Variants in PILRB observed in about 807,000 individuals in gnomAD.
PILRB encodes the protein paired immunoglobin like type 2 receptor beta.
In PILRB, 21 loss-of-function variants were observed where a neutral mutation model predicts 20.5. The ratio of observed to expected loss-of-function variants is 1.02; its 90% CI spans 0.72 to 1.47. The LOEUF (loss-of-function observed/expected upper bound fraction) is 1.47. Ranked by LOEUF, PILRB falls within the 40% of genes most tolerant of loss-of-function variation. The pLI is 0.00. For missense variants in PILRB, 253 were observed against 272.1 expected (o/e 0.93, Z 0.49); for synonymous variants, 133 against 115.1 (o/e 1.16, Z -0.99).
intron 3 of PILRB, among the ~76,000 whole-genome samples, chr7:100,366,428 G>A (rs570119720): frequency 2.6e-5 from 4 of 152,154 alleles, no homozygotes; most frequent in Non-Finnish European, 4.4e-5. Context: ...CTCTGTGGAC[G>A]TGGAGCCCTC....
Position 100,359,064 on chromosome 7 carries a change from C to G in PILRB, c.439C>G (p.Leu147Val), listed in dbSNP as rs187084929. The G allele has an allele frequency of 3.0e-4, 487 of 1,614,138 alleles. 1 individual carries two copies. The East Asian group carries it at 9.9e-3, about 33-fold the overall frequency. The change falls in exon 2 of 4, where the codon CTC (leucine) becomes GTC (valine). Residue 147 changes from leucine (L) to valine (V), a missense_variant. Coordinates refer to ENST00000609309, the MANE Select transcript of PILRB (RefSeq NM_178238.4). ...QQLQSIKGTK[L>V]TITQAVTTTT... ...GTTGCAGTCCATCAAGGGGACCAAA[C>G]TCACCATCACCCAGGGTGAGTCCAG...
chr7:100,359,629 A>T, intron 3 of PILRB, 92 bp downstream of exon 3: 2 of 1,106,928 alleles, frequency 1.8e-6, no homozygotes, highest in South Asian at 1.3e-5. Context: ...AAATATGCAG[A>T]CCCTGCTGGC....
At position 100,358,890 on chromosome 7, in the gene PILRB, A is replaced by G. The variant is rs1790444600; in HGVS notation, c.265A>G (p.Ile89Val). 6.2e-7 allele frequency: 1 copy of G among 1,614,166 alleles called. No individual in the cohort carries two copies. The highest frequency in any genetic ancestry group is 2.2e-5 in the East Asian group (1 of 44,892). The change falls in exon 2 of 4, where the codon ATT becomes GTT. Residue 89 changes from isoleucine to valine, a missense_variant. By Grantham distance (29) the Ile-to-Val change is conservative. Coordinates refer to ENST00000609309, the MANE Select transcript of PILRB (RefSeq NM_178238.4). ...QSFYSTRPPS[I>V]HKDYVNRLFL... is the part of the protein sequence containing the mutation. ...CTTCTACAGCACAAGGCCGCCTTCC[A>G]TTCACAAGGATTATGTGAACCGGCT...
chr7:100,364,108 C>CAAAA, intron 3 of PILRB, among the ~76,000 whole-genome samples: 1 of 93,182 alleles, frequency 1.1e-5, no homozygotes, highest in South Asian at 3.3e-4. Context: ...AACTCCATCT[C>CAAAA]AAAAAAAAAA....
Position 100,367,669 on chromosome 7 carries a change from G to T in PILRB, c.*292G>T. The T allele has an allele frequency of 2.3e-6, 1 of 440,378 alleles. No homozygotes were observed. Among genetic ancestry groups the T allele is most frequent in the Non-Finnish European group, 4.1e-6 (1 of 244,688 alleles). 27.3% of individuals were successfully genotyped at this position (440,378 alleles called of 1,614,324 possible). A position where few individuals can be genotyped will look rare whatever the true frequency, so the allele number is the denominator to read the frequency against. Reference sequence around the variant, plus strand: ...TGGCATTTGGGGGCTGTTTATTATAGCAGTGCAAAGAGTTCCTTTATCCTC... The same window carrying T: ...TGGCATTTGGGGGCTGTTTATTATATCAGTGCAAAGAGTTCCTTTATCCTC... On this transcript the variant is annotated 3_prime_UTR_variant, in exon 4 of 4. Coordinates refer to ENST00000609309, the MANE Select transcript of PILRB (RefSeq NM_178238.4).
intron 3 of PILRB, among the ~76,000 whole-genome samples, chr7:100,360,276 G>C (rs973558332): frequency 2.0e-5 from 3 of 152,236 alleles, no homozygotes; most frequent in African/African-American, 7.2e-5. Flanking sequence ...CATAGGCTCT[G>C]CTCTCAGGGA....
intron 3 of PILRB, among the ~76,000 whole-genome samples, chr7:100,364,539 T>C (rs1456791197): frequency 6.6e-6 from 1 of 152,212 alleles, no homozygotes; most frequent in Non-Finnish European, 1.5e-5. Flanking sequence ...ACGTACCTGC[T>C]CTTACACAAG....
At chr7:100,361,841 G>A (rs561681949) in intron 3 of PILRB, among the ~76,000 whole-genome samples, 1 of 152,266 alleles carries the variant, frequency 6.6e-6, no homozygotes, top group East Asian at 1.9e-4. Flanking sequence ...GGGTACAAAG[G>A]TTGTGTGCCT....
intron 3 of PILRB, among the ~76,000 whole-genome samples, chr7:100,361,984 G>A (rs757411004): frequency 1.6e-4 from 25 of 152,154 alleles, no homozygotes; most frequent in Non-Finnish European, 3.1e-4. Context: ...TTTGCCGGGT[G>A]CGGTGGCTCA....
Position 100,358,268 on chromosome 7 carries a change from G to T in PILRB, c.-35G>T. The T allele has an allele frequency of 6.2e-7, 1 of 1,610,932 alleles. No individual in the cohort carries two copies. On this transcript the variant is annotated 5_prime_UTR_variant, in exon 1 of 4. Transcript: ENST00000609309. Reference sequence around the variant, plus strand: ...GCCCCTCTCCTGCCTGGACAGCTCTGCTGGTCTCCCCGTCCCCTGGAGAAG... The same window carrying T: ...GCCCCTCTCCTGCCTGGACAGCTCTTCTGGTCTCCCCGTCCCCTGGAGAAG...
At position 100,358,251 on chromosome 7, in the gene PILRB, C is replaced by T. The variant is rs1790417330; in HGVS notation, c.-52C>T. On this transcript the variant is annotated 5_prime_UTR_variant, in exon 1 of 4. Coordinates refer to ENST00000609309, the MANE Select transcript of PILRB (RefSeq NM_178238.4). ...GGCAGCCCCTCCACAGGGCCCCTCT[C>T]CTGCCTGGACAGCTCTGCTGGTCTC... is the stretch of plus-strand genomic sequence containing the variant. The T allele has an allele frequency of 1.2e-6, 2 of 1,607,330 alleles. No individual in the cohort carries two copies. The highest frequency in any genetic ancestry group is 1.3e-5 in the African/African-American group (1 of 74,952).
chr7:100,362,910 C>G (rs777138376), intron 3 of PILRB, among the ~76,000 whole-genome samples: 1 of 152,030 alleles, frequency 6.6e-6, no homozygotes, highest in South Asian at 2.1e-4. Flanking sequence ...GAAAGTCTTT[C>G]AGTCATTTTA....
At chr7:100,366,596 A>G (rs917472350) in intron 3 of PILRB, among the ~76,000 whole-genome samples, 3 of 152,146 alleles carry the variant, frequency 2.0e-5, no homozygotes, top group African/African-American at 7.2e-5. Context: ...GGGGAGGCCT[A>G]GAGGTGGCAA....
intron 3 of PILRB, among the ~76,000 whole-genome samples, chr7:100,361,880 A>G (rs1464248326): frequency 1.3e-5 from 2 of 152,132 alleles, no homozygotes; most frequent in Middle Eastern, 3.2e-3. Context: ...ACGTGAGATT[A>G]TTTTATAACC....
chr7:100,359,498 C>G lies in PILRB; in HGVS notation c.616C>G (p.Leu206Val), dbSNP rs199672936. ...VAVLKTVILG[L>V]LCLLLLWWRR... ...TGTGCTCAAAACTGTCATTTTGGGA[C>G]TGCTGTGCCTCCTCCTCCTGTGGTG... is the stretch of plus-strand genomic sequence containing the variant. The change falls in exon 3 of 4, where the codon CTG becomes GTG. Residue 206 changes from leucine (L) to valine (V), a missense_variant. Leu to Val is a conservative substitution (Grantham distance 32). Coordinates refer to ENST00000609309, the MANE Select transcript of PILRB (RefSeq NM_178238.4). 331 of 1,610,508 alleles carry G rather than the reference C, an allele frequency of 2.1e-4. 2 individuals carry two copies. The highest frequency in any genetic ancestry group is 1.2e-3 in the Middle Eastern group (7 of 6,054).
intron 3 of PILRB, among the ~76,000 whole-genome samples, chr7:100,366,837 G>A (rs913423103): frequency 3.3e-5 from 5 of 152,132 alleles, no homozygotes; most frequent in Non-Finnish European, 7.4e-5. Flanking sequence ...CAAGAGCGAA[G>A]GAAGCCAACA....
intron 3 of PILRB, among the ~76,000 whole-genome samples, chr7:100,359,978 G>A (rs1201493686): frequency 3.9e-5 from 6 of 152,142 alleles, no homozygotes; most frequent in African/African-American, 1.4e-4. Flanking sequence ...AGTCAAGGTC[G>A]TGCCACTGCA....
chr7:100,360,001 G>A (rs556599753), intron 3 of PILRB, among the ~76,000 whole-genome samples: 1 of 152,156 alleles, frequency 6.6e-6, no homozygotes, highest in South Asian at 2.1e-4. Flanking sequence ...CCAGCCTGGT[G>A]ACAGAACAAG....
Position 100,358,260 on chromosome 7 carries a change from A to G in PILRB, c.-43A>G, listed in dbSNP as rs372012445. The G allele has an allele frequency of 1.9e-5, 30 of 1,609,666 alleles. No individual in the cohort carries two copies. Among genetic ancestry groups the G allele is most frequent in the Non-Finnish European group, 2.5e-5 (29 of 1,179,384 alleles). On this transcript the variant is annotated 5_prime_UTR_variant, in exon 1 of 4. Transcript: ENST00000609309. ...TCCACAGGGCCCCTCTCCTGCCTGGACAGCTCTGCTGGTCTCCCCGTCCCC... is the reference window on the plus strand; with the variant it reads ...TCCACAGGGCCCCTCTCCTGCCTGGGCAGCTCTGCTGGTCTCCCCGTCCCC...
Sources: allele counts gnomAD v4.1 joint callset (sites outside exome capture counted in the v4.1 genomes callset), GRCh38; gene constraint gnomAD v4.1.1; transcripts MANE v1.5; gene names NCBI Gene and HGNC (gene_info 2026-07-23, HGNC 2026-07-21).